Variants in MNAT1 observed in about 807,000 individuals in gnomAD.
MNAT1 encodes the protein MNAT1 component of CDK activating kinase, also known as CDK-activating kinase assembly factor MAT1.
MNAT1 carries 43 observed loss-of-function variants against 42.0 expected under a neutral mutation model. The ratio of observed to expected loss-of-function variants is 1.02; its 90% confidence interval spans 0.80 to 1.32. The LOEUF (loss-of-function observed/expected upper bound fraction) is 1.32, where lower values mean the gene tolerates loss of function less well. Ranked by LOEUF, MNAT1 falls within the 40% of genes most tolerant of loss-of-function variation. The probability of loss-of-function intolerance (pLI) is 0.00; values close to 1 mark genes in which losing one functional copy is unlikely to be tolerated. For missense variants in MNAT1, 306 were observed against 350.4 expected (o/e 0.87, Z 1.01); for synonymous variants, 118 against 120.0 (o/e 0.98, Z 0.11).
intron 1 of MNAT1, among the ~76,000 whole-genome samples, chr14:60,768,543 T>C (rs2030926453): frequency 1.3e-5 from 2 of 152,152 alleles, no homozygotes; most frequent in Non-Finnish European, 2.9e-5. Context: ...CAAATGGAGG[T>C]GGAGAAGAGG....
chr14:60,775,528 A>G (rs959769175), intron 1 of MNAT1, among the ~76,000 whole-genome samples: 1 of 152,238 alleles, frequency 6.6e-6, no homozygotes, highest in Admixed American at 6.5e-5. Flanking sequence ...CTTGCATTCC[A>G]ATAAGAATGA....
chr14:60,938,356 T>C (rs1414552592), intron 7 of MNAT1, among the ~76,000 whole-genome samples: 1 of 152,176 alleles, frequency 6.6e-6, no homozygotes, highest in Non-Finnish European at 1.5e-5. Context: ...TGATATTGGC[T>C]GTGGGTTTGT....
chr14:60,779,506 C>T (rs184146641), intron 1 of MNAT1, among the ~76,000 whole-genome samples: 10 of 152,142 alleles, frequency 6.6e-5, no homozygotes, highest in Non-Finnish European at 1.2e-4. Flanking sequence ...AAGCTGTTTC[C>T]GGCTGGGCGC....
intron 7 of MNAT1, among the ~76,000 whole-genome samples, chr14:60,917,700 G>T (rs1412940139): frequency 6.7e-6 from 1 of 149,942 alleles, no homozygotes; most frequent in Non-Finnish European, 1.5e-5. Context: ...TCGGCTCACT[G>T]CAACCTCCAC....
At chr14:60,924,546 C>T (rs1041502259) in intron 7 of MNAT1, among the ~76,000 whole-genome samples, 19 of 151,982 alleles carry the variant, frequency 1.3e-4, no homozygotes, top group African/African-American at 4.4e-4. Context: ...AATATTTATT[C>T]ATCTACTTTT....
intron 7 of MNAT1, among the ~76,000 whole-genome samples, chr14:60,963,965 C>T (rs539935396): frequency 6.6e-6 from 1 of 152,112 alleles, no homozygotes; most frequent in African/African-American, 2.4e-5. Context: ...GCCCTCTGCC[C>T]CTAGCTGAGA....
chr14:60,852,976 G>C (rs975676578), intron 6 of MNAT1, among the ~76,000 whole-genome samples: 1 of 152,118 alleles, frequency 6.6e-6, no homozygotes, highest in African/African-American at 2.4e-5. Context: ...AAGTCAGGTA[G>C]CATGATGGCC....
chr14:60,757,206 T>C (rs1200996720), intron 1 of MNAT1, among the ~76,000 whole-genome samples: 1 of 152,194 alleles, frequency 6.6e-6, no homozygotes, highest in Non-Finnish European at 1.5e-5. Context: ...TTGTGGAATC[T>C]GGAGGGATTG....
At chr14:60,957,579 C>T (rs1443341279) in intron 7 of MNAT1, among the ~76,000 whole-genome samples, 2 of 152,146 alleles carry the variant, frequency 1.3e-5, no homozygotes, top group Non-Finnish European at 2.9e-5. Context: ...ATGGGAGCTA[C>T]AATTCAAGAT....
chr14:60,798,189 C>G, intron 3 of MNAT1, 29 bp downstream of exon 3: 1 of 1,154,112 alleles, frequency 8.7e-7, no homozygotes, highest in African/African-American at 1.5e-5. Context: ...GTATGCTAGC[C>G]TATAAGACCA....
At position 60,775,093 on chromosome 14, in the gene MNAT1, C is replaced by A. The variant is rs1366843805; in HGVS notation, c.90-21124C>A. On this transcript the variant is annotated intron_variant, in intron 1 of 7. Transcript: ENST00000261245. ...CCCACGACATAACTCTGGAACACTT[C>A]AACTTTTAGGTGGTTTACAGAGGAG... 2.0e-5 allele frequency among the ~76,000 whole-genome samples: 3 copies of A among 152,162 alleles called. No homozygotes were observed. In the East Asian group the frequency reaches 5.8e-4, roughly 29 times the overall value.
intron 7 of MNAT1, among the ~76,000 whole-genome samples, chr14:60,898,838 A>G (rs890703706): frequency 2.0e-5 from 3 of 152,086 alleles, no homozygotes; most frequent in South Asian, 2.1e-4. Context: ...GCCTAAACCA[A>G]TGTCCTCAAG....
intron 6 of MNAT1, among the ~76,000 whole-genome samples, chr14:60,860,543 C>T (rs1419427436): frequency 2.0e-5 from 3 of 151,660 alleles, no homozygotes; most frequent in South Asian, 2.1e-4. Context: ...TTAGTAGAGA[C>T]GGGGTTTGAC....
chr14:60,968,191 C>A, intron 7 of MNAT1, 38 bp from the exon 8 acceptor site: 1 of 1,467,810 alleles, frequency 6.8e-7, no homozygotes, highest in Non-Finnish European at 9.4e-7. Context: ...TTTATATTTG[C>A]TTTGTATATC....
At chr14:60,742,114 C>T (rs1272464212) in intron 1 of MNAT1, among the ~76,000 whole-genome samples, 1 of 151,892 alleles carries the variant, frequency 6.6e-6, no homozygotes, top group Non-Finnish European at 1.5e-5. Flanking sequence ...GAGACAGGAT[C>T]TCACTCTATC....
Position 60,757,463 on chromosome 14 carries a change from G to A in MNAT1, c.89+22512G>A, listed in dbSNP as rs117334840. On this transcript the variant is annotated intron_variant, in intron 1 of 7. Coordinates refer to ENST00000261245, the MANE Select transcript of MNAT1 (RefSeq NM_002431.4). ...TGGTCATCAATTGAGACACTGAAAT[G>A]TCTTGTTTGATAAAGTTATATTTTG... Among the ~76,000 whole-genome samples, 36 of 152,258 alleles carry A rather than the reference G, an allele frequency of 2.4e-4. No homozygotes were observed. In the East Asian group the frequency reaches 6.7e-3, roughly 29 times the overall value.
chr14:60,799,455 G>T lies in MNAT1; in HGVS notation c.316+1295G>T, dbSNP rs978708031. 3.2e-6 allele frequency: 3 copies of T among 945,450 alleles called. No individual in the cohort carries two copies. In the Admixed American group the frequency reaches 1.9e-4, roughly 58 times the overall value. 58.6% of individuals were successfully genotyped at this position (945,450 alleles called of 1,614,324 possible). ...GGACAAGCTGTTGGATAGCAATTGG[G>T]AAGAAAAGTAGCTTACATATATTCT... On this transcript the variant is annotated intron_variant, in intron 3 of 7. Transcript: ENST00000261245.
chr14:60,955,085 A>G (rs962216943), intron 7 of MNAT1, among the ~76,000 whole-genome samples: 1 of 151,922 alleles, frequency 6.6e-6, no homozygotes, highest in African/African-American at 2.4e-5. Flanking sequence ...TGATTCTTTT[A>G]ATATGCTGTT....
chr14:60,878,748 G>C (rs1190697631), intron 6 of MNAT1, among the ~76,000 whole-genome samples: 1 of 152,034 alleles, frequency 6.6e-6, no homozygotes, highest in Non-Finnish European at 1.5e-5. Flanking sequence ...AGTAGACATT[G>C]CTTTGATTGT....
Sources: gnomAD v4.1 joint callset for allele counts (sites outside exome capture counted in the v4.1 genomes callset) on GRCh38, gnomAD v4.1.1 for gene constraint, MANE v1.5 for transcripts, NCBI Gene and HGNC (gene_info 2026-07-23, HGNC 2026-07-21) for gene names.